ALG14: variants seen among roughly 807,000 people sequenced by gnomAD.
The protein encoded by ALG14 is ALG14 UDP-N-acetylglucosaminyltransferase subunit.
Under a neutral mutation model 22.8 loss-of-function variants are expected in ALG14, and 17 were observed. The observed-to-expected ratio is 0.75, with a 90% CI of 0.51 to 1.12. The LOEUF is 1.12. Among genes scored for constraint, ALG14 ranks in the 50% most tolerant of loss-of-function variants. The probability of loss-of-function intolerance (pLI) is 0.00; values close to 1 mark genes in which losing one functional copy is unlikely to be tolerated. For missense variants in ALG14, 288 were observed against 271.8 expected, an observed-to-expected ratio of 1.06 and a Z score of -0.42; for synonymous variants, 89 against 103.7, an observed-to-expected ratio of 0.86 and a Z score of 0.86.
chr1:95,040,084 A>G (rs1318032201), intron 2 of ALG14, among the ~76,000 whole-genome samples: 1 of 151,954 alleles, frequency 6.6e-6, no homozygotes, highest in African/African-American at 2.4e-5. Flanking sequence ...AGGTGGGTGG[A>G]TAGCTTAAGC....
intron 2 of ALG14, among the ~76,000 whole-genome samples, chr1:95,031,447 G>C (rs1441266554): frequency 6.6e-6 from 1 of 152,192 alleles, no homozygotes; most frequent in East Asian, 1.9e-4. Flanking sequence ...CTGGCTTACA[G>C]CTCTAAACTA....
chr1:95,072,695 G>A, intron 1 of ALG14, 68 bp downstream of exon 1: 1 of 1,583,216 alleles, frequency 6.3e-7, no homozygotes, highest in Non-Finnish European at 8.6e-7. Context: ...CCAGGGAAGA[G>A]CGTCGCGGTG....
At chr1:95,031,087 C>G (rs1202628615) in intron 2 of ALG14, among the ~76,000 whole-genome samples, 2 of 152,128 alleles carry the variant, frequency 1.3e-5, no homozygotes, top group Admixed American at 1.3e-4. Context: ...CTAGCTCAGC[C>G]AATGACCACA....
At chr1:95,040,260 C>T (rs957905588) in intron 2 of ALG14, among the ~76,000 whole-genome samples, 2 of 152,062 alleles carry the variant, frequency 1.3e-5, no homozygotes, top group African/African-American at 4.8e-5. Context: ...AAGACTAAGG[C>T]CCAGAGGGGT....
intron 3 of ALG14, among the ~76,000 whole-genome samples, chr1:95,000,160 C>A (rs1212043523): frequency 6.6e-6 from 1 of 152,136 alleles, no homozygotes; most frequent in East Asian, 1.9e-4. Context: ...TGAAGGCTCA[C>A]CTGAATTATT....
chr1:95,062,215 C>T (rs556854634), intron 2 of ALG14: 64 of 152,238 alleles, frequency 4.2e-4, no homozygotes, highest in African/African-American at 1.3e-3. Context: ...ATAATTTTCA[C>T]TATTGGAATT....
intron 2 of ALG14, among the ~76,000 whole-genome samples, chr1:95,062,950 C>A (rs1033334405): frequency 1.3e-5 from 2 of 152,196 alleles, no homozygotes; most frequent in African/African-American, 4.8e-5. Context: ...TCCACAACCT[C>A]ACCAACATCT....
intron 3 of ALG14, among the ~76,000 whole-genome samples, chr1:94,988,709 G>GT (rs930967377): frequency 4.6e-5 from 7 of 152,310 alleles, no homozygotes; most frequent in Admixed American, 1.3e-4. Flanking sequence ...GGAGAAAATA[G>GT]TAAGTATTCA....
At chr1:94,994,935 A>T (rs1672871009) in intron 3 of ALG14, among the ~76,000 whole-genome samples, 1 of 152,220 alleles carries the variant, frequency 6.6e-6, no homozygotes, top group African/African-American at 2.4e-5. Flanking sequence ...GAAATGGTTA[A>T]CATTTTCACA....
chr1:95,061,137 T>C (rs1675132978), intron 2 of ALG14, among the ~76,000 whole-genome samples: 1 of 151,922 alleles, frequency 6.6e-6, no homozygotes, highest in Non-Finnish European at 1.5e-5. Context: ...CCGGAGGGAG[T>C]ATGGCCCCAT....
At chr1:94,995,541 C>T (rs138880742) in intron 3 of ALG14, among the ~76,000 whole-genome samples, 42 of 152,216 alleles carry the variant, frequency 2.8e-4, no homozygotes, top group Admixed American at 5.9e-4. Context: ...GGTAAAACTC[C>T]GTCTCTACTA....
chr1:95,071,691 C>T (rs993718523), intron 1 of ALG14, among the ~76,000 whole-genome samples: 1 of 152,182 alleles, frequency 6.6e-6, no homozygotes, highest in Non-Finnish European at 1.5e-5. Flanking sequence ...CCCTCGAAAC[C>T]CTGGCTGTCC....
chr1:95,058,083 C>T (rs1048138036), intron 2 of ALG14, among the ~76,000 whole-genome samples: 7 of 150,810 alleles, frequency 4.6e-5, no homozygotes, highest in Non-Finnish European at 8.9e-5. Flanking sequence ...GTCAGGAGAT[C>T]GAGACCATCC....
Position 95,065,086 on chromosome 1 carries a change from A to G in ALG14, c.137-69T>C. 3 of 1,393,168 alleles carry G rather than the reference A, an allele frequency of 2.2e-6. No homozygotes were observed. The South Asian group carries it at 4.5e-5, about 21-fold the overall frequency. 86.3% of individuals were successfully genotyped at this position (1,393,168 alleles called of 1,614,324 possible). Reference sequence around the variant, plus strand: ...GGACATATCCATTTGACCATGTTATACCAATATCATGGTTTCAGGTTGGGG... The same window carrying G: ...GGACATATCCATTTGACCATGTTATGCCAATATCATGGTTTCAGGTTGGGG... On this transcript the variant is annotated intron_variant, in intron 1 of 3. Coordinates refer to ENST00000370205, the MANE Select transcript of ALG14 (RefSeq NM_144988.4).
At chr1:94,987,591 T>C (rs1288504159) in intron 3 of ALG14, among the ~76,000 whole-genome samples, 1 of 152,228 alleles carries the variant, frequency 6.6e-6, no homozygotes, top group Non-Finnish European at 1.5e-5. Flanking sequence ...TCTGTAGATT[T>C]GGGTCACCAC....
rs1055623455 is a variant in ALG14 at position 94,978,354 on chromosome 1, C to T, written c.*4722G>A. On this transcript the variant is annotated 3_prime_UTR_variant, in exon 4 of 4. Transcript: ENST00000370205. Reference sequence around the variant, plus strand: ...GGGATTACAGGCGTGAGCCACCATGCCTGGCCAAATAATTTATGTATTTAA... The same window carrying T: ...GGGATTACAGGCGTGAGCCACCATGTCTGGCCAAATAATTTATGTATTTAA... The T allele has an allele frequency of 2.6e-5, 4 of 152,208 alleles. No homozygotes were observed. The highest frequency in any genetic ancestry group is 2.0e-4 in the Admixed American group (3 of 15,272). The allele number at this position is 152,208 out of a possible 1,614,324, so 9.4% of individuals were successfully genotyped here. A position where few individuals can be genotyped will look rare whatever the true frequency, so the allele number is the denominator to read the frequency against.
Position 94,981,556 on chromosome 1 carries a change from T to A in ALG14, c.*1520A>T, listed in dbSNP as rs947222416. ...ATAATCATGTCTCTTTTCACAAAAA[T>A]TCAATCACTTCACTAATCACTATTT... On this transcript the variant is annotated 3_prime_UTR_variant, in exon 4 of 4. Transcript: ENST00000370205. 1 of 151,054 alleles carries A rather than the reference T, an allele frequency of 6.6e-6. No individual in the cohort carries two copies. The highest frequency in any genetic ancestry group is 1.5e-5 in the Non-Finnish European group (1 of 67,806). 9.4% of individuals were successfully genotyped at this position (151,054 alleles called of 1,614,324 possible). A position where few individuals can be genotyped will look rare whatever the true frequency, so the allele number is the denominator to read the frequency against.
chr1:95,049,814 T>C (rs1233033124), intron 2 of ALG14, among the ~76,000 whole-genome samples: 2 of 151,880 alleles, frequency 1.3e-5, no homozygotes, highest in East Asian at 3.9e-4. Context: ...GAGGCTGCAG[T>C]GAGCCATGAT....
At chr1:95,054,039 A>C (rs1674846216) in intron 2 of ALG14, among the ~76,000 whole-genome samples, 1 of 152,220 alleles carries the variant, frequency 6.6e-6, no homozygotes, top group African/African-American at 2.4e-5. Context: ...GCCTCAAACA[A>C]CAAAAAAATG....
Sources: allele counts gnomAD v4.1 joint callset (sites outside exome capture counted in the v4.1 genomes callset), GRCh38; gene constraint gnomAD v4.1.1; transcripts MANE v1.5; gene names NCBI Gene and HGNC (gene_info 2026-07-23, HGNC 2026-07-21).